Variants in GSK3B observed in about 807,000 individuals in gnomAD.
GSK3B encodes the protein glycogen synthase kinase 3 beta, also known as glycogen synthase kinase-3 beta.
Under a neutral mutation model 56.4 loss-of-function variants are expected in GSK3B, and 15 were observed. The observed-to-expected ratio is 0.27, with a 90% CI of 0.18 to 0.41. The LOEUF is 0.41. Ranked by LOEUF, GSK3B falls within the 10% of genes least tolerant of loss-of-function variation. The pLI, the probability that GSK3B is intolerant of heterozygous loss-of-function variation, is 1.00. For missense variants in GSK3B, 300 were observed against 513.4 expected (o/e 0.58, Z 4.02); for synonymous variants, 181 against 188.9 (o/e 0.96, Z 0.34).
intron 1 of GSK3B, among the ~76,000 whole-genome samples, chr3:120,069,533 A>G (rs1201194532): frequency 6.6e-6 from 1 of 152,082 alleles, no homozygotes; most frequent in African/African-American, 2.4e-5. Flanking sequence ...GGTGTGGGGG[A>G]CAATCTTCAT....
rs186576191 is a variant in GSK3B at position 119,905,974 on chromosome 3, T to C, written c.716-122A>G. 2.8e-4 allele frequency: 178 copies of C among 632,514 alleles called. 1 individual carries two copies. Among genetic ancestry groups the C allele is most frequent in the African/African-American group, 2.8e-3 (154 of 55,312 alleles). The allele number at this position is 632,514 out of a possible 1,614,324, so 39.2% of individuals were successfully genotyped here. On this transcript the variant is annotated intron_variant, in intron 6 of 10. Transcript: ENST00000264235. ...AATATCACAGGAAAAGATTATACAA[T>C]CCAAAACAGAGAAAAAGTCATCAAA... is the stretch of plus-strand genomic sequence containing the variant.
chr3:119,961,782 A>C (rs2057275049), intron 2 of GSK3B, among the ~76,000 whole-genome samples: 1 of 152,146 alleles, frequency 6.6e-6, no homozygotes, highest in Non-Finnish European at 1.5e-5. Context: ...CACCTCAAAA[A>C]TTTTCAACCT....
intron 1 of GSK3B, among the ~76,000 whole-genome samples, chr3:120,021,408 C>A (rs980324567): frequency 6.6e-6 from 1 of 151,096 alleles, no homozygotes; most frequent in African/African-American, 2.4e-5. Context: ...CCCAGCTACT[C>A]GGGAGGCTGA....
chr3:120,035,729 T>C (rs192217144), intron 1 of GSK3B, among the ~76,000 whole-genome samples: 7 of 152,276 alleles, frequency 4.6e-5, no homozygotes, highest in African/African-American at 1.2e-4. Context: ...TTTTGTTCCT[T>C]TAGATGGCAT....
Position 120,013,930 on chromosome 3 carries a change from G to A in GSK3B, c.89-11691C>T, listed in dbSNP as rs571962567. Among the ~76,000 whole-genome samples, 19 of 151,934 alleles carry A rather than the reference G, an allele frequency of 1.3e-4. No individual in the cohort carries two copies. In the South Asian group the frequency reaches 3.9e-3, roughly 32 times the overall value. On this transcript the variant is annotated intron_variant, in intron 1 of 10. Coordinates refer to ENST00000264235, the MANE Select transcript of GSK3B (RefSeq NM_001146156.2). ...CAAGCCTATAATTCCAGCACTTTGG[G>A]AGGCCAAGGTGAGTGGATCACCTGA...
In GSK3B at chr3:119,867,705, CA is replaced by C. The variant is rs1402658530; in HGVS notation, c.910-4101del. Among the ~76,000 whole-genome samples, 4 of 152,074 alleles carry C rather than the reference CA, an allele frequency of 2.6e-5. No individual in the cohort carries two copies. The East Asian group carries it at 7.7e-4, about 29-fold the overall frequency. On this transcript the variant is annotated intron_variant, in intron 8 of 10. Coordinates refer to ENST00000264235, the MANE Select transcript of GSK3B (RefSeq NM_001146156.2). ...TCTAGGTATTGAGAACAAAAAATGG[CA>C]GAACTCACCAGTATCTGTGAACTCC...
intron 1 of GSK3B, among the ~76,000 whole-genome samples, chr3:120,092,766 T>G (rs1156805206): frequency 6.6e-6 from 1 of 152,198 alleles, no homozygotes; most frequent in East Asian, 1.9e-4. Context: ...GAGAAATCAA[T>G]GGCAGCCTCC....
chr3:119,898,370 C>T, intron 7 of GSK3B, among the ~76,000 whole-genome samples: 1 of 151,980 alleles, frequency 6.6e-6, no homozygotes, highest in East Asian at 1.9e-4. Flanking sequence ...TTGTGGGGAC[C>T]ATGTGTAATT....
intron 2 of GSK3B, among the ~76,000 whole-genome samples, chr3:119,980,666 T>C (rs942176795): frequency 1.3e-5 from 2 of 152,182 alleles, no homozygotes; most frequent in African/African-American, 4.8e-5. Flanking sequence ...GTGTAATTTT[T>C]TAATAAATGA....
chr3:119,895,011 A>G (rs1208186370), intron 7 of GSK3B, among the ~76,000 whole-genome samples: 2 of 152,152 alleles, frequency 1.3e-5, no homozygotes, highest in Admixed American at 1.3e-4. Context: ...TAATTAACAT[A>G]CCGATTACAT....
intron 2 of GSK3B, among the ~76,000 whole-genome samples, chr3:119,951,048 G>GA (rs753514781): frequency 2.6e-5 from 4 of 152,160 alleles, no homozygotes; most frequent in East Asian, 1.9e-4. Context: ...CCCAGTTAGA[G>GA]AAAATGACAG....
At chr3:119,970,705 T>G (rs1254251488) in intron 2 of GSK3B, among the ~76,000 whole-genome samples, 8 of 151,746 alleles carry the variant, frequency 5.3e-5, no homozygotes, top group Admixed American at 5.3e-4. Flanking sequence ...GAGAATCGCT[T>G]GAATCTGGGA....
intron 3 of GSK3B, among the ~76,000 whole-genome samples, chr3:119,929,592 G>C (rs900495733): frequency 1.3e-5 from 2 of 151,226 alleles, no homozygotes; most frequent in African/African-American, 4.9e-5. Context: ...ACACAGGGAG[G>C]CACCATTTCT....
chr3:119,871,662 C>T (rs2056251048), intron 8 of GSK3B, among the ~76,000 whole-genome samples: 1 of 151,978 alleles, frequency 6.6e-6, no homozygotes. Context: ...AAAAAAAGAA[C>T]ATTCTAAGAC....
intron 2 of GSK3B, among the ~76,000 whole-genome samples, chr3:119,995,317 G>A (rs565100913): frequency 2.0e-5 from 3 of 151,796 alleles, no homozygotes; most frequent in South Asian, 2.1e-4. Flanking sequence ...TGGGTTATAC[G>A]GCAAGATCTC....
At chr3:119,904,122 C>T (rs1018462902) in intron 7 of GSK3B, among the ~76,000 whole-genome samples, 20 of 152,094 alleles carry the variant, frequency 1.3e-4, no homozygotes, top group Non-Finnish European at 8.8e-5. Context: ...ATACCTCTAA[C>T]TTCATCAATA....
At chr3:119,831,412 C>G (rs1254384412) in intron 10 of GSK3B, among the ~76,000 whole-genome samples, 1 of 152,156 alleles carries the variant, frequency 6.6e-6, no homozygotes, top group Admixed American at 6.5e-5. Context: ...AATCCCAGCA[C>G]TTTGGGAGGC....
chr3:119,971,259 C>A (rs2057363964), intron 2 of GSK3B, among the ~76,000 whole-genome samples: 1 of 152,154 alleles, frequency 6.6e-6, no homozygotes, highest in African/African-American at 2.4e-5. Context: ...ATGGGAAGAC[C>A]AACTTCAGTC....
At chr3:120,033,505 T>C (rs534194331) in intron 1 of GSK3B, among the ~76,000 whole-genome samples, 32 of 152,332 alleles carry the variant, frequency 2.1e-4, no homozygotes, top group Non-Finnish European at 4.0e-4. Flanking sequence ...TTTTTTATTC[T>C]AGCCATCCTA....
Sources: allele counts gnomAD v4.1 joint callset (sites outside exome capture counted in the v4.1 genomes callset), GRCh38; gene constraint gnomAD v4.1.1; transcripts MANE v1.5; gene names NCBI Gene and HGNC (gene_info 2026-07-23, HGNC 2026-07-21).